The following ATP2C2 variants were observed in gnomAD, a reference collection of about 807,000 sequenced individuals.
ATP2C2 encodes the protein calcium-transporting ATPase type 2C member 2.
Under a neutral mutation model 110.8 loss-of-function variants are expected in ATP2C2, and 171 were observed. That is an observed-to-expected ratio of 1.54 (90% confidence interval 1.36 to 1.75). ATP2C2 has a LOEUF of 1.75. ATP2C2 is among the 40% of genes most tolerant of loss of function. ATP2C2 has a pLI of 0.00. For synonymous variants in ATP2C2, 804 were observed against 508.4 expected (o/e 1.58, Z -7.82); for missense variants, 1,963 against 1,235.0 (o/e 1.59, Z -8.84).
chr16:84,453,566 G>A (rs2150585664), intron 20 of ATP2C2, among the ~76,000 whole-genome samples, 195 bp downstream of exon 20: 1 of 152,270 alleles, frequency 6.6e-6, no homozygotes, highest in Non-Finnish European at 1.5e-5. Flanking sequence ...AGGGGCGCGT[G>A]GGCAGCTCCC....
At chr16:84,423,318 A>C in intron 10 of ATP2C2, 55 bp downstream of exon 10, 1 of 1,528,992 alleles carries the variant, frequency 6.5e-7, no homozygotes, top group Non-Finnish European at 9.1e-7. Flanking sequence ...GGGAGCCATC[A>C]TAGGGGGGTT....
intron 15 of ATP2C2, among the ~76,000 whole-genome samples, chr16:84,444,548 G>A (rs1219218731): frequency 6.6e-6 from 1 of 152,218 alleles, no homozygotes; most frequent in South Asian, 2.1e-4. Context: ...TGCAATGTCT[G>A]TAATAGTGAA....
intron 11 of ATP2C2, among the ~76,000 whole-genome samples, chr16:84,432,087 G>A (rs1268979456): frequency 6.6e-6 from 1 of 152,054 alleles, no homozygotes; most frequent in Non-Finnish European, 1.5e-5. Context: ...GGGCTGGGTG[G>A]GGCCCGAGAC....
At chr16:84,400,336 T>TG (rs201574714) in intron 2 of ATP2C2, among the ~76,000 whole-genome samples, 6,216 of 151,132 alleles carry the variant, frequency 0.041, 237 homozygotes, top group Middle Eastern at 0.065. Flanking sequence ...TTTGTTGTTT[T>TG]TTTTTTTTGA....
At chr16:84,440,731 C>T in intron 13 of ATP2C2, 126 bp from the exon 14 acceptor site, 1 of 700,342 alleles carries the variant, frequency 1.4e-6, no homozygotes. Context: ...CATCTTCATA[C>T]TGAAAGCCCT....
chr16:84,417,920 A>T (rs942392384), intron 7 of ATP2C2, among the ~76,000 whole-genome samples: 3 of 152,154 alleles, frequency 2.0e-5, no homozygotes, highest in Non-Finnish European at 4.4e-5. Flanking sequence ...ACATTTTAAA[A>T]CCATTTTGGT....
At chr16:84,399,138 G>A (rs1351785925) in intron 2 of ATP2C2, among the ~76,000 whole-genome samples, 2 of 152,108 alleles carry the variant, frequency 1.3e-5, no homozygotes, top group African/African-American at 4.8e-5. Context: ...TTGCACACAA[G>A]TGTGTGTGTG....
intron 2 of ATP2C2, among the ~76,000 whole-genome samples, chr16:84,403,459 C>A (rs1002208249): frequency 6.6e-6 from 1 of 152,028 alleles, no homozygotes; most frequent in African/African-American, 2.4e-5. Context: ...GAGTCTGCCA[C>A]CACAATGGGC....
intron 1 of ATP2C2, among the ~76,000 whole-genome samples, chr16:84,377,619 G>A (rs888360996): frequency 6.6e-6 from 1 of 151,968 alleles, no homozygotes; most frequent in Non-Finnish European, 1.5e-5. Context: ...TTGGATTAAG[G>A]CCCCACCAAT....
At chr16:84,405,742 A>C (rs1905709389) in intron 3 of ATP2C2, among the ~76,000 whole-genome samples, 1 of 152,188 alleles carries the variant, frequency 6.6e-6, no homozygotes, top group South Asian at 2.1e-4. Flanking sequence ...CAACATGGCG[A>C]AACCCCGTCT....
At chr16:84,462,196 T>G (rs1234706758) in intron 26 of ATP2C2, 67 bp downstream of exon 26, 7 of 1,565,062 alleles carry the variant, frequency 4.5e-6, no homozygotes, top group Non-Finnish European at 6.1e-6. Flanking sequence ...AGCTGCCAGG[T>G]GGGGAGCTGC....
In ATP2C2 at chr16:84,459,400, G is replaced by T; in HGVS notation, c.2333+14G>T. ...ACCGGCGCAGAGGTGAGGCAGGGCC[G>T]GCTGGGAGCCCTGTGTCTCTTTACC... On this transcript the variant is annotated intron_variant, in intron 23 of 26. Transcript: ENST00000262429. 3 of 1,611,956 alleles carry T rather than the reference G, an allele frequency of 1.9e-6. No homozygotes were observed. The highest frequency in any genetic ancestry group is 2.5e-6 in the Non-Finnish European group (3 of 1,178,116).
At chr16:84,423,550 C>G (rs1456458593) in intron 10 of ATP2C2, among the ~76,000 whole-genome samples, 1 of 152,248 alleles carries the variant, frequency 6.6e-6, no homozygotes, top group Non-Finnish European at 1.5e-5. Context: ...CAGTGGCTCT[C>G]CTGGATAGCT....
Position 84,422,632 on chromosome 16 carries a change from G to A in ATP2C2, c.778G>A (p.Val260Ile), listed in dbSNP as rs750062164. The A allele has an allele frequency of 1.2e-6, 2 of 1,613,128 alleles. No individual in the cohort carries two copies. The highest frequency in any genetic ancestry group is 2.2e-5 in the East Asian group (1 of 44,886). Reference protein sequence around the residue: ...TLVQYGRGQGVVIGTGESSQF... With the variant: ...TLVQYGRGQGIVIGTGESSQF... The stretch of plus-strand genomic sequence containing the variant: ...CTTCTCTCTCTCCTGGACACAGGGG[G>A]TCGTGATTGGAACAGGGGAAAGCTC... Residue 260 changes from valine to isoleucine, a missense_variant, in exon 9 of 27, where the codon GTC (valine) becomes ATC (isoleucine). Physicochemically the swap from Val to Ile is conservative, Grantham distance 29. Transcript: ENST00000262429.
chr16:84,448,455 T>G (rs1909959431), intron 16 of ATP2C2, 78 bp from the exon 17 acceptor site: 1 of 1,491,880 alleles, frequency 6.7e-7, no homozygotes, highest in Non-Finnish European at 9.1e-7. Flanking sequence ...CTTTGTAACC[T>G]TGTGCAGAGT....
chr16:84,399,229 T>C (rs917893410), intron 2 of ATP2C2, among the ~76,000 whole-genome samples: 1 of 152,230 alleles, frequency 6.6e-6, no homozygotes, highest in Non-Finnish European at 1.5e-5. Flanking sequence ...AAAGGGCACA[T>C]ACTACAATTT....
At chr16:84,458,720 C>T (rs1910938466) in intron 21 of ATP2C2, among the ~76,000 whole-genome samples, 2 of 152,220 alleles carry the variant, frequency 1.3e-5, no homozygotes, top group African/African-American at 4.8e-5. Flanking sequence ...TTACCGTCCT[C>T]CGGACCTCAT....
At chr16:84,417,573 G>A (rs1040559698) in intron 7 of ATP2C2, among the ~76,000 whole-genome samples, 2 of 152,136 alleles carry the variant, frequency 1.3e-5, no homozygotes, top group African/African-American at 2.4e-5. Flanking sequence ...GCTTCAGCTG[G>A]CTTTCTCTCT....
At chr16:84,425,899 A>T in intron 11 of ATP2C2, 98 bp downstream of exon 11, 3 of 1,442,506 alleles carry the variant, frequency 2.1e-6, no homozygotes, top group Non-Finnish European at 2.9e-6. Flanking sequence ...GCAGAATAGG[A>T]AGGGTTGGGA....
Sources: allele counts gnomAD v4.1 joint callset (sites outside exome capture counted in the v4.1 genomes callset), GRCh38; gene constraint gnomAD v4.1.1; transcripts MANE v1.5; gene names NCBI Gene and HGNC (gene_info 2026-07-23, HGNC 2026-07-21).